ATP8A2: variants seen among roughly 807,000 people sequenced by gnomAD.
The protein encoded by ATP8A2 is phospholipid-transporting ATPase IB.
In ATP8A2, 100 loss-of-function variants were observed where a neutral mutation model predicts 165.6. The observed-to-expected ratio is 0.60, with a 90% CI of 0.51 to 0.71. ATP8A2 has a LOEUF of 0.71. Ranked by LOEUF, ATP8A2 falls within the 30% of genes least tolerant of loss-of-function variation. ATP8A2 has a pLI of 0.00. For missense variants in ATP8A2, 1,227 were observed against 1,479.5 expected (o/e 0.83, Z 2.80); for synonymous variants, 543 against 548.8 (o/e 0.99, Z 0.15).
At chr13:25,979,611 C>T (rs1956137050) in intron 35 of ATP8A2, among the ~76,000 whole-genome samples, 1 of 152,170 alleles carries the variant, frequency 6.6e-6, no homozygotes, top group Admixed American at 6.5e-5. Context: ...CAAATAGAAC[C>T]AGTGATTGGC....
intron 33 of ATP8A2, among the ~76,000 whole-genome samples, chr13:25,920,794 A>C (rs565645015): frequency 6.6e-6 from 1 of 152,326 alleles, no homozygotes; most frequent in South Asian, 2.1e-4. Context: ...AACTGTTCGC[A>C]TCCAGAGGGC....
At chr13:25,592,519 G>A (rs924776240) in intron 24 of ATP8A2, among the ~76,000 whole-genome samples, 22 of 152,154 alleles carry the variant, frequency 1.4e-4, no homozygotes, top group Non-Finnish European at 2.8e-4. Context: ...ACACCGCATC[G>A]GTGGACAGGA....
Position 25,638,838 on chromosome 13 carries a change from G to T in ATP8A2, c.2211+49139G>T, listed in dbSNP as rs187545527. Among the ~76,000 whole-genome samples the T allele has an allele frequency of 4.3e-3, 657 of 152,190 alleles. 2 individuals are homozygous for T. The highest frequency in any genetic ancestry group is 0.034 in the Middle Eastern group (10 of 294). Reference sequence around the variant, plus strand: ...CCAAAGTTGAAATGAAGGAAAAAATGTTAAGGGCAGCCAGAGAGAACGGTC... The same window carrying T: ...CCAAAGTTGAAATGAAGGAAAAAATTTTAAGGGCAGCCAGAGAGAACGGTC... On this transcript the variant is annotated intron_variant, in intron 24 of 36. Coordinates refer to ENST00000381655, the MANE Select transcript of ATP8A2 (RefSeq NM_016529.6).
chr13:25,930,172 T>C (rs796221958), intron 33 of ATP8A2, among the ~76,000 whole-genome samples: 7 of 152,306 alleles, frequency 4.6e-5, no homozygotes, highest in African/African-American at 1.7e-4. Flanking sequence ...CCCTCCACGC[T>C]GACACTCTCC....
chr13:25,644,913 G>A (rs2041631495), intron 24 of ATP8A2, among the ~76,000 whole-genome samples: 1 of 151,934 alleles, frequency 6.6e-6, no homozygotes, highest in African/African-American at 2.4e-5. Flanking sequence ...CTCTTTCATT[G>A]CTGATTTTAT....
intron 33 of ATP8A2, among the ~76,000 whole-genome samples, chr13:25,864,182 G>A (rs887713217): frequency 2.6e-5 from 4 of 152,140 alleles, no homozygotes; most frequent in African/African-American, 4.8e-5. Flanking sequence ...TGTGGTGATG[G>A]ACAATAGATG....
chr13:25,732,422 T>C (rs1486150332), intron 25 of ATP8A2, among the ~76,000 whole-genome samples: 1 of 152,244 alleles, frequency 6.6e-6, no homozygotes, highest in Non-Finnish European at 1.5e-5. Flanking sequence ...CCATGTGAGC[T>C]CCAAGCTATG....
chr13:25,897,799 T>A (rs908195599), intron 33 of ATP8A2, among the ~76,000 whole-genome samples: 2 of 152,256 alleles, frequency 1.3e-5, no homozygotes, highest in Non-Finnish European at 2.9e-5. Flanking sequence ...CTTCCATCGC[T>A]GATACCCTTT....
chr13:25,413,069 C>T (rs536512757), intron 1 of ATP8A2, among the ~76,000 whole-genome samples: 2 of 151,818 alleles, frequency 1.3e-5, no homozygotes, highest in Admixed American at 6.6e-5. Context: ...CCACCCACCT[C>T]GATCTCCCAA....
At chr13:25,545,209 T>C (rs1238871099) in intron 10 of ATP8A2, among the ~76,000 whole-genome samples, 3 of 152,002 alleles carry the variant, frequency 2.0e-5, no homozygotes, top group African/African-American at 4.8e-5. Flanking sequence ...GAGGGCTCCA[T>C]GGCAGCTAGA....
At chr13:25,747,415 A>G (rs1302463002) in intron 25 of ATP8A2, among the ~76,000 whole-genome samples, 2 of 152,206 alleles carry the variant, frequency 1.3e-5, no homozygotes, top group Admixed American at 1.3e-4. Flanking sequence ...TTGAAAATAT[A>G]AAGGGCTTCA....
intron 6 of ATP8A2, among the ~76,000 whole-genome samples, chr13:25,535,835 C>CA (rs1296452238): frequency 6.6e-6 from 1 of 150,936 alleles, no homozygotes; most frequent in East Asian, 1.9e-4. Flanking sequence ...AACAAACAAC[C>CA]AAAAAAAAAT....
intron 1 of ATP8A2, among the ~76,000 whole-genome samples, chr13:25,435,928 T>A (rs138255174): frequency 0.019 from 416 of 21,468 alleles, 3 homozygotes; most frequent in African/African-American, 0.029. Context: ...TGTGTGTGTG[T>A]GTGAGTGTGT....
At chr13:25,566,840 G>A (rs1022731771) in intron 16 of ATP8A2, among the ~76,000 whole-genome samples, 1 of 152,184 alleles carries the variant, frequency 6.6e-6, no homozygotes, top group Non-Finnish European at 1.5e-5. Context: ...CCTGTTCACT[G>A]GGGAAGCAGA....
intron 30 of ATP8A2, among the ~76,000 whole-genome samples, chr13:25,859,025 A>T (rs1455397239): frequency 6.6e-6 from 1 of 152,066 alleles, no homozygotes; most frequent in African/African-American, 2.4e-5. Flanking sequence ...TAAGATGGTA[A>T]AACCCTGTCT....
chr13:25,507,356 C>T (rs1043248558), intron 2 of ATP8A2, among the ~76,000 whole-genome samples: 2 of 151,934 alleles, frequency 1.3e-5, no homozygotes, highest in Admixed American at 1.3e-4. Flanking sequence ...GTCTCCGCCT[C>T]CCAGGTTCTA....
chr13:25,912,187 C>G (rs899351755), intron 33 of ATP8A2, among the ~76,000 whole-genome samples: 3 of 150,124 alleles, frequency 2.0e-5, no homozygotes, highest in Non-Finnish European at 2.9e-5. Flanking sequence ...CACACACACA[C>G]ACACACACAG....
intron 1 of ATP8A2, among the ~76,000 whole-genome samples, chr13:25,419,317 AG>A (rs2034227872): frequency 6.6e-6 from 1 of 152,252 alleles, no homozygotes; most frequent in East Asian, 1.9e-4. Context: ...TTGCTATTGT[AG>A]GGGAGTAGAA....
chr13:25,640,871 C>G (rs1180472420), intron 24 of ATP8A2, among the ~76,000 whole-genome samples: 3 of 152,124 alleles, frequency 2.0e-5, no homozygotes, highest in Non-Finnish European at 2.9e-5. Context: ...TACTGGCAAA[C>G]CAAATTTAGC....
Sources: allele counts gnomAD v4.1 joint callset (sites outside exome capture counted in the v4.1 genomes callset), GRCh38; gene constraint gnomAD v4.1.1; transcripts MANE v1.5; gene names NCBI Gene and HGNC (gene_info 2026-07-23, HGNC 2026-07-21).